The following NETO1 variants were observed in gnomAD, a reference collection of about 807,000 sequenced individuals.
NETO1 encodes neuropilin and tolloid like 1.
A neutral mutation model predicts 61.3 loss-of-function variants in NETO1; 26 were observed. That is an observed-to-expected ratio of 0.42 (90% CI 0.31 to 0.59). The LOEUF is 0.59. NETO1 is among the 20% of genes least tolerant of loss of function. The probability of loss-of-function intolerance (pLI) is 0.12; values close to 1 mark genes in which losing one functional copy is unlikely to be tolerated. For missense variants in NETO1, 531 were observed against 662.8 expected (o/e 0.80, Z 2.18); for synonymous variants, 225 against 225.8 (o/e 1.00, Z 0.03).
At chr18:72,807,391 G>C (rs1205730019) in intron 4 of NETO1, among the ~76,000 whole-genome samples, 1 of 152,096 alleles carries the variant, frequency 6.6e-6, no homozygotes, top group Non-Finnish European at 1.5e-5. Context: ...TATGTGCTGG[G>C]CTTGTAAAGC....
chr18:72,861,726 A>G (rs766245086), intron 3 of NETO1, among the ~76,000 whole-genome samples: 4 of 152,166 alleles, frequency 2.6e-5, no homozygotes, highest in Non-Finnish European at 5.9e-5. Context: ...ACCTCTAGAA[A>G]TCTGACCACT....
intron 4 of NETO1, among the ~76,000 whole-genome samples, chr18:72,812,379 G>GGAC (rs1409254232): frequency 6.6e-6 from 1 of 152,062 alleles, no homozygotes; most frequent in African/African-American, 2.4e-5. Flanking sequence ...TACCACTTCA[G>GGAC]GACCAACACG....
At position 72,867,581 on chromosome 18, in the gene NETO1, C is replaced by T. The variant is rs1426021515; in HGVS notation, c.-290G>A. 5 of 304,252 alleles carry T rather than the reference C, an allele frequency of 1.6e-5. No individual in the cohort carries two copies. The highest frequency in any genetic ancestry group is 3.0e-5 in the Non-Finnish European group (5 of 166,114). 18.8% of individuals were successfully genotyped at this position (304,252 alleles called of 1,614,324 possible). A position where few individuals can be genotyped will look rare whatever the true frequency, so the allele number is the denominator to read the frequency against. On this transcript the variant is annotated 5_prime_UTR_variant, in exon 1 of 11. Coordinates refer to ENST00000327305, the MANE Select transcript of NETO1 (RefSeq NM_138966.5). ...GTGACGCTCGCATCACACCCGGGCG[C>T]CGGCCGCCACCATCCGCGCCGCCGC...
In NETO1 at chr18:72,772,793, T is replaced by TATCTCTC. The variant is rs1391807702; in HGVS notation, c.868+10884_868+10885insGAGAGAT. Among the ~76,000 whole-genome samples the TATCTCTC allele has an allele frequency of 4.2e-4, 25 of 58,960 alleles. 2 individuals are homozygous for TATCTCTC. The highest frequency in any genetic ancestry group is 1.4e-3 in the African/African-American group (21 of 14,692). The allele number at this position is 58,960 out of a possible 152,430, so 38.7% of individuals were successfully genotyped here. On this transcript the variant is annotated intron_variant, in intron 7 of 10. Coordinates refer to ENST00000327305, the MANE Select transcript of NETO1 (RefSeq NM_138966.5). ...TATATATATACAGATCTCTATATAG[T>TATCTCTC]TCTCTCTCTCTCTCTCTCTCTCTCT...
chr18:72,743,109 TTAAAA>T (rs1157750607), downstream of NETO1, among the ~76,000 whole-genome samples: 2 of 152,216 alleles, frequency 1.3e-5, no homozygotes, highest in African/African-American at 4.8e-5. Flanking sequence ...TGCTGAGATC[TTAAAA>T]TATTCTCCCT....
At chr18:72,866,615 C>T in intron 1 of NETO1, 4 of 716,258 alleles carry the variant, frequency 5.6e-6, no homozygotes, top group African/African-American at 1.9e-5. Context: ...CCGCGATCAA[C>T]ACTCTCATCT....
chr18:72,799,043 T>A (rs887077519), intron 4 of NETO1, among the ~76,000 whole-genome samples: 3 of 152,358 alleles, frequency 2.0e-5, no homozygotes, highest in African/African-American at 7.2e-5. Flanking sequence ...CATCACTTCA[T>A]CAAATGTGTC....
chr18:72,805,359 T>C (rs1599035025), intron 4 of NETO1, among the ~76,000 whole-genome samples: 1 of 152,194 alleles, frequency 6.6e-6, no homozygotes, highest in East Asian at 1.9e-4. Context: ...ATGAAAAGAA[T>C]ACAAGTTTGA....
intron 7 of NETO1, among the ~76,000 whole-genome samples, chr18:72,756,609 T>A (rs2070791893): frequency 6.6e-6 from 1 of 152,006 alleles, no homozygotes; most frequent in Non-Finnish European, 1.5e-5. Flanking sequence ...CCCTGTAACA[T>A]TACTTAAGAA....
intron 4 of NETO1, among the ~76,000 whole-genome samples, chr18:72,848,492 G>A (rs568216725): frequency 1.8e-4 from 27 of 152,130 alleles, no homozygotes; most frequent in South Asian, 4.2e-4. Context: ...ATATGTTACC[G>A]GCTCCAAAAA....
At chr18:72,857,491 A>G (rs573872267) in intron 4 of NETO1, among the ~76,000 whole-genome samples, 1 of 152,316 alleles carries the variant, frequency 6.6e-6, no homozygotes, top group South Asian at 2.1e-4. Context: ...TAAATCCAAG[A>G]CATTATTTTC....
chr18:72,776,888 G>A (rs1366660695), intron 7 of NETO1, among the ~76,000 whole-genome samples: 3 of 152,168 alleles, frequency 2.0e-5, no homozygotes, highest in African/African-American at 7.2e-5. Context: ...GTCTTAACTT[G>A]TTTCAGTGTC....
At chr18:72,818,676 T>C (rs923344129) in intron 4 of NETO1, among the ~76,000 whole-genome samples, 1 of 152,230 alleles carries the variant, frequency 6.6e-6, no homozygotes, top group Admixed American at 6.5e-5. Context: ...TATTGAGATG[T>C]TATGATTGGC....
chr18:72,865,510 T>C, intron 1 of NETO1: 1 of 1,552,272 alleles, frequency 6.4e-7, no homozygotes, highest in Non-Finnish European at 8.8e-7. Flanking sequence ...AGGCAACATG[T>C]CAATTTACTC....
At chr18:72,782,671 G>A (rs577148575) in intron 7 of NETO1, among the ~76,000 whole-genome samples, 1 of 152,074 alleles carries the variant, frequency 6.6e-6, no homozygotes, top group South Asian at 2.1e-4. Flanking sequence ...GTGCATGGTG[G>A]TGCATGCCTG....
At chr18:72,842,951 C>T (rs996577859) in intron 4 of NETO1, among the ~76,000 whole-genome samples, 8 of 152,196 alleles carry the variant, frequency 5.3e-5, no homozygotes, top group Middle Eastern at 3.4e-3. Flanking sequence ...TTTCTTATAA[C>T]GGCATTTTTA....
rs957142421 is a variant in NETO1, at chr18:72,867,949, T to C, written c.-658A>G. On this transcript the variant is annotated 5_prime_UTR_variant, in exon 1 of 11. An upstream start codon of the reference 5' UTR is lost. Transcript: ENST00000327305. ...GAAGGCAGGAAGAAGGGGTCCGTCA[T>C]CGGCTCGCCGGGCTGCGCGCCACCT... 5 of 150,970 alleles carry C rather than the reference T, an allele frequency of 3.3e-5. No individual in the cohort carries two copies. Among genetic ancestry groups the C allele is most frequent in the Non-Finnish European group, 7.4e-5 (5 of 67,642 alleles). The allele number at this position is 150,970 out of a possible 1,614,324, so 9.4% of individuals were successfully genotyped here.
In NETO1 at chr18:72,769,125, C is replaced by T. The variant is rs1467941637; in HGVS notation, c.869-12978G>A. On this transcript the variant is annotated intron_variant, in intron 7 of 10. Transcript: ENST00000327305. ...TTCCAGCCAGGATACCCTGACAACT[C>T]GTGTCATAATTAGTCCTGGAATGAA... Among the ~76,000 whole-genome samples, 12 of 152,088 alleles carry T rather than the reference C, an allele frequency of 7.9e-5. 1 individual carries two copies. Among genetic ancestry groups the T allele is most frequent in the Admixed American group, 5.2e-4 (8 of 15,272 alleles).
At chr18:72,816,077 G>A (rs995641079) in intron 4 of NETO1, among the ~76,000 whole-genome samples, 2 of 151,254 alleles carry the variant, frequency 1.3e-5, no homozygotes, top group Non-Finnish European at 2.9e-5. Context: ...CTCTCCCTCT[G>A]TCCCCTTCTC....
Sources: allele counts gnomAD v4.1 joint callset (sites outside exome capture counted in the v4.1 genomes callset), GRCh38; gene constraint gnomAD v4.1.1; transcripts MANE v1.5; gene names NCBI Gene and HGNC (gene_info 2026-07-23, HGNC 2026-07-21).